Variants in MRPS7 observed in about 807,000 individuals in gnomAD.
The protein encoded by MRPS7 is mitochondrial ribosomal protein S7.
MRPS7 carries 13 observed loss-of-function variants against 26.2 expected under a neutral mutation model. The observed-to-expected ratio is 0.50, with a 90% CI of 0.32 to 0.79. MRPS7 has a LOEUF of 0.79. Ranked by LOEUF, MRPS7 falls within the 30% of genes least tolerant of loss-of-function variation. The pLI is 0.03. For synonymous variants in MRPS7, 129 were observed against 113.3 expected (o/e 1.14, Z -0.88); for missense variants, 318 against 312.2 (o/e 1.02, Z -0.14).
chr17:75,263,144 C>T, intron 3 of MRPS7, 196 bp from the exon 4 acceptor site: 1 of 681,014 alleles, frequency 1.5e-6, no homozygotes, highest in Non-Finnish European at 2.4e-6. Context: ...CTCCATGCCA[C>T]AAATCTCAAT....
Position 75,265,994 on chromosome 17 carries a change from C to G in MRPS7, c.*71C>G, listed in dbSNP as rs1192570164. 2 of 1,438,572 alleles carry G rather than the reference C, an allele frequency of 1.4e-6. No homozygotes were observed. The highest frequency in any genetic ancestry group is 3.6e-5 in the Admixed American group (2 of 55,218). The allele number at this position is 1,438,572 out of a possible 1,614,324, so 89.1% of individuals were successfully genotyped here. A position where few individuals can be genotyped will look rare whatever the true frequency, so the allele number is the denominator to read the frequency against. On this transcript the variant is annotated 3_prime_UTR_variant, in exon 5 of 5. Coordinates refer to ENST00000245539, the MANE Select transcript of MRPS7 (RefSeq NM_015971.4). ...GAGCTACTGCCACGCTGAAAACTAC[C>G]TGTGGGTTAAGGATGTAGTTCCTTT...
intron 4 of MRPS7, chr17:75,264,375 C>T (rs2077454619): frequency 6.6e-6 from 1 of 152,186 alleles, no homozygotes. Context: ...TATTCATATC[C>T]TGTCTTTGTA....
intron 1 of MRPS7, 173 bp downstream of exon 1, chr17:75,262,156 T>A (rs1338367021): frequency 1.3e-6 from 1 of 774,276 alleles, no homozygotes; most frequent in Non-Finnish European, 2.0e-6. Context: ...TGACTACCTC[T>A]CGCCTAAGGA....
At position 75,262,560 on chromosome 17, in the gene MRPS7, A is replaced by G. The variant is rs2145633633; in HGVS notation, c.147A>G (p.Glu49=). 1 of 1,614,188 alleles carries G rather than the reference A, an allele frequency of 6.2e-7. No homozygotes were observed. Among genetic ancestry groups the G allele is most frequent in the Non-Finnish European group, 8.5e-7 (1 of 1,180,042 alleles). Residue 49 remains glutamate (E), a synonymous_variant, in exon 2 of 5, where the codon GAA becomes GAG. Coordinates refer to ENST00000245539, the MANE Select transcript of MRPS7 (RefSeq NM_015971.4). ...PEFKDPLIDK[E]YYRKPVEELT... ...TCAAGGATCCCTTGATTGACAAGGAATATTATCGCAAGCCAGTGGAGGAGC... is the reference window on the plus strand; with the variant it reads ...TCAAGGATCCCTTGATTGACAAGGAGTATTATCGCAAGCCAGTGGAGGAGC...
At chr17:75,262,416 G>A (rs748683478) in intron 1 of MRPS7, 81 bp from the exon 2 acceptor site, 2 of 1,471,698 alleles carry the variant, frequency 1.4e-6, no homozygotes, top group Non-Finnish European at 1.9e-6. Context: ...CGGCGCGTTG[G>A]CAGTCATGCC....
At chr17:75,264,349 T>A (rs1445383777) in intron 4 of MRPS7, 2 of 152,154 alleles carry the variant, frequency 1.3e-5, no homozygotes, top group Admixed American at 1.3e-4. Flanking sequence ...CCTGTAAAAT[T>A]CTCATGGCGA....
intron 4 of MRPS7, 122 bp downstream of exon 4, chr17:75,263,629 T>C (rs1279714960): frequency 7.7e-7 from 1 of 1,293,316 alleles, no homozygotes; most frequent in Non-Finnish European, 1.1e-6. Flanking sequence ...GCACCTGTAA[T>C]CTCAGCACTT....
At position 75,266,214 on chromosome 17, in the gene MRPS7, T is replaced by A; in HGVS notation, c.*291T>A. The A allele has an allele frequency of 2.2e-6, 1 of 458,640 alleles. No individual in the cohort carries two copies. Among genetic ancestry groups the A allele is most frequent in the East Asian group, 4.2e-5 (1 of 23,810 alleles). The allele number at this position is 458,640 out of a possible 1,614,324, so 28.4% of individuals were successfully genotyped here. On this transcript the variant is annotated 3_prime_UTR_variant, in exon 5 of 5. Transcript: ENST00000245539. ...TTAGGTTGGGGCGGACCTTTGGATA[T>A]ATAAAGGAAGCAGTTTTAGTATCAG... is the stretch of plus-strand genomic sequence containing the variant.
At chr17:75,262,205 G>A in intron 1 of MRPS7, 1 of 658,688 alleles carries the variant, frequency 1.5e-6, no homozygotes, top group Non-Finnish European at 2.6e-6. Flanking sequence ...AGCTGAAAGT[G>A]CGGTTCAGCT....
In MRPS7 at chr17:75,262,530, T is replaced by G; in HGVS notation, c.117T>G (p.Pro39=). The change falls in exon 2 of 5, where the codon CCT becomes CCG. Residue 39 remains proline, a synonymous_variant. Transcript: ENST00000245539. ...LTQVRWSRYS[P]EFKDPLIDKE... ...AGGTGAGATGGAGCCGCTATAGTCC[T>G]GAATTCAAGGATCCCTTGATTGACA... 1 of 1,614,110 alleles carries G rather than the reference T, an allele frequency of 6.2e-7. No homozygotes were observed. Among genetic ancestry groups the G allele is most frequent in the South Asian group, 1.1e-5 (1 of 91,090 alleles).
intron 4 of MRPS7, chr17:75,264,489 C>T (rs1438153350): frequency 6.6e-6 from 1 of 152,092 alleles, no homozygotes; most frequent in African/African-American, 2.4e-5. Context: ...ATTTTATTGT[C>T]CTGAGTTTTC....
chr17:75,262,550 T>A lies in MRPS7; in HGVS notation c.137T>A (p.Ile46Asn). ...RYSPEFKDPL[I>N]DKEYYRKPVE... Reference sequence around the variant, plus strand: ...AGTCCTGAATTCAAGGATCCCTTGATTGACAAGGAATATTATCGCAAGCCA... The same window carrying A: ...AGTCCTGAATTCAAGGATCCCTTGAATGACAAGGAATATTATCGCAAGCCA... The change falls in exon 2 of 5, where the codon ATT (isoleucine) becomes AAT (asparagine). Residue 46 changes from isoleucine to asparagine, a missense_variant. Ile to Asn is a moderately radical substitution (Grantham distance 149, BLOSUM62 -3). Coordinates refer to ENST00000245539, the MANE Select transcript of MRPS7 (RefSeq NM_015971.4). 1.2e-6 allele frequency: 2 copies of A among 1,614,114 alleles called. No individual in the cohort carries two copies. Among genetic ancestry groups the A allele is most frequent in the Non-Finnish European group, 1.7e-6 (2 of 1,180,024 alleles).
At chr17:75,263,088 A>C (rs1273607388) in intron 3 of MRPS7, 2 of 633,174 alleles carry the variant, frequency 3.2e-6, no homozygotes, top group Non-Finnish European at 5.3e-6. Flanking sequence ...AAAAGGAACA[A>C]ATAAAAAATA....
At chr17:75,264,973 A>G (rs913382015) in intron 4 of MRPS7, among the ~76,000 whole-genome samples, 16 of 152,070 alleles carry the variant, frequency 1.1e-4, no homozygotes, top group African/African-American at 2.7e-4. Flanking sequence ...GGCTTTTCCT[A>G]TTTGGTTCTT....
chr17:75,262,902 G>GC (rs773707332), intron 3 of MRPS7, 35 bp downstream of exon 3: 16 of 1,601,408 alleles, frequency 1.0e-5, no homozygotes, highest in South Asian at 7.7e-5. Context: ...CATCTTTCTT[G>GC]CCCCCCTACC....
In MRPS7 at chr17:75,262,794, C is replaced by G; in HGVS notation, c.276-10C>G. ...TTGGAGAGCTAAACGTGTTGCTTTT[C>G]TCTTTGAAGTAAATTCACCAACATG... On this transcript the variant is annotated splice_polypyrimidine_tract_variant and intron_variant, in intron 2 of 4. Transcript: ENST00000245539. 6.2e-7 allele frequency: 1 copy of G among 1,614,116 alleles called. No homozygotes were observed.
chr17:75,263,184 G>C (rs2077435854), intron 3 of MRPS7, 156 bp from the exon 4 acceptor site: 2 of 851,850 alleles, frequency 2.3e-6, no homozygotes, highest in Non-Finnish European at 3.6e-6. Flanking sequence ...CTAGCAAAGG[G>C]GGAGGCACTT....
chr17:75,261,978 T>A lies in MRPS7; in HGVS notation c.78T>A (p.Leu26=), dbSNP rs1314173730. 1.3e-6 allele frequency: 2 copies of A among 1,591,844 alleles called. No homozygotes were observed. Among genetic ancestry groups the A allele is most frequent in the Non-Finnish European group, 8.5e-7 (1 of 1,176,034 alleles). Residue 26 remains leucine, a synonymous_variant, in exon 1 of 5, where the codon CTT becomes CTA. Transcript: ENST00000245539. Reference sequence around the variant, plus strand: ...GCGTGCGGCGGGCTGTCTTGCAGCTTCCAGGGTGAGAGGGTGGCGAGCAGC... The same window carrying A: ...GCGTGCGGCGGGCTGTCTTGCAGCTACCAGGGTGAGAGGGTGGCGAGCAGC... The part of the protein sequence containing the change: ...ALGVRRAVLQ[L]PGLTQVRWSR...
At chr17:75,265,566 ACAGGCCCTTCTCCC>A in intron 4 of MRPS7, 122 bp from the exon 5 acceptor site, 1 of 707,752 alleles carries the variant, frequency 1.4e-6, no homozygotes, top group Non-Finnish European at 2.3e-6. Flanking sequence ...CGAAGAAAAG[ACAGGCCCTTCTCCC>A]CAGGCCTGAC....
Sources: gnomAD v4.1 joint callset for allele counts (sites outside exome capture counted in the v4.1 genomes callset) on GRCh38, gnomAD v4.1.1 for gene constraint, MANE v1.5 for transcripts, NCBI Gene and HGNC (gene_info 2026-07-23, HGNC 2026-07-21) for gene names.